NYAP2: variants seen among roughly 807,000 people sequenced by gnomAD.
NYAP2 encodes neuronal tyrosine-phosphorylated phosphoinositide-3-kinase adapter 2.
Under a neutral mutation model 50.4 loss-of-function variants are expected in NYAP2, and 23 were observed. The ratio of observed to expected loss-of-function variants is 0.46; its 90% CI spans 0.33 to 0.65. The LOEUF (loss-of-function observed/expected upper bound fraction) is 0.65. Ranked by LOEUF, NYAP2 falls within the 30% of genes least tolerant of loss-of-function variation. The pLI, the probability that NYAP2 is intolerant of heterozygous loss-of-function variation, is 0.02. For synonymous variants in NYAP2, 394 were observed against 365.2 expected (o/e 1.08, Z -0.90); for missense variants, 885 against 861.0 (o/e 1.03, Z -0.35).
At chr2:225,539,730 G>A (rs569231953) in intron 4 of NYAP2, among the ~76,000 whole-genome samples, 1 of 151,922 alleles carries the variant, frequency 6.6e-6, no homozygotes, top group South Asian at 2.1e-4. Flanking sequence ...GAAGTTCTTT[G>A]TAGATTCTGG....
intron 3 of NYAP2, among the ~76,000 whole-genome samples, chr2:225,459,573 A>G (rs1689791616): frequency 6.6e-6 from 1 of 152,180 alleles, no homozygotes; most frequent in Admixed American, 6.6e-5. Flanking sequence ...TTGAAAGTGA[A>G]CAACAGAAGC....
the NYAP2 span, among the ~76,000 whole-genome samples, chr2:225,697,261 T>C: frequency 2.6e-5 from 4 of 151,982 alleles, no homozygotes; most frequent in Non-Finnish European, 2.9e-5. Flanking sequence ...TATGTATCAA[T>C]ATATAGTCCA....
At chr2:225,550,100 A>T (rs991761254) in intron 4 of NYAP2, among the ~76,000 whole-genome samples, 4 of 152,214 alleles carry the variant, frequency 2.6e-5, no homozygotes, top group African/African-American at 9.6e-5. Flanking sequence ...AAGGAAATGG[A>T]GAAAAAGGTC....
chr2:225,504,515 C>A (rs957929130), intron 3 of NYAP2, among the ~76,000 whole-genome samples: 2 of 152,154 alleles, frequency 1.3e-5, no homozygotes, highest in African/African-American at 4.8e-5. Context: ...TGTCTTATTT[C>A]ATTTTACTTT....
intron 3 of NYAP2, among the ~76,000 whole-genome samples, chr2:225,415,262 A>G (rs762617928): frequency 1.3e-5 from 2 of 152,216 alleles, no homozygotes; most frequent in African/African-American, 4.8e-5. Flanking sequence ...TGAAAGATTC[A>G]GTATTTCTGT....
At chr2:225,651,753 C>A in exon 7 of NYAP2, 1 of 655,640 alleles carries the variant, frequency 1.5e-6, no homozygotes, top group Non-Finnish European at 2.5e-6. Context: ...GTGAAACTTT[C>A]TTTGCTGTTT....
chr2:225,413,208 T>C (rs1251710928), intron 3 of NYAP2, among the ~76,000 whole-genome samples: 1 of 152,162 alleles, frequency 6.6e-6, no homozygotes, highest in Non-Finnish European at 1.5e-5. Context: ...GTGTCTTTCT[T>C]TTCCAAAATC....
At chr2:225,425,415 A>C (rs1017072038) in intron 3 of NYAP2, among the ~76,000 whole-genome samples, 5 of 152,228 alleles carry the variant, frequency 3.3e-5, no homozygotes, top group African/African-American at 1.2e-4. Context: ...CTGGTTATTA[A>C]ATTGAGGTCT....
In NYAP2 at chr2:225,531,384, T is replaced by A. The variant is rs145794567; in HGVS notation, c.523+17712T>A. 1.1e-4 allele frequency among the ~76,000 whole-genome samples: 16 copies of A among 152,352 alleles called. No individual in the cohort carries two copies. The East Asian group carries it at 2.1e-3, about 20-fold the overall frequency. On this transcript the variant is annotated intron_variant, in intron 4 of 6. Transcript: ENST00000636099. The stretch of plus-strand genomic sequence containing the variant: ...ACTACCTTCTCTGTAATAACTTATG[T>A]AGGCATTTTTCTGTGATTGAACTAT...
intron 4 of NYAP2, among the ~76,000 whole-genome samples, chr2:225,577,209 C>A (rs2106225812): frequency 6.6e-6 from 1 of 152,220 alleles, no homozygotes; most frequent in Non-Finnish European, 1.5e-5. Context: ...TGTCATGATA[C>A]TATTTTAAGC....
the NYAP2 span, among the ~76,000 whole-genome samples, chr2:225,670,345 C>G: frequency 0.61 from 93,355 of 151,808 alleles, 29,997 homozygotes; most frequent in South Asian, 0.82. Context: ...AGAGGTCATG[C>G]AATCTTTCCT....
chr2:225,442,125 CAA>C (rs2106141461), intron 3 of NYAP2, among the ~76,000 whole-genome samples: 1 of 152,284 alleles, frequency 6.6e-6, no homozygotes, highest in Non-Finnish European at 1.5e-5. Context: ...CATGAAGAGT[CAA>C]ATAATCAGCA....
At chr2:225,530,015 T>C (rs1691226385) in intron 4 of NYAP2, among the ~76,000 whole-genome samples, 1 of 152,224 alleles carries the variant, frequency 6.6e-6, no homozygotes, top group Admixed American at 6.5e-5. Flanking sequence ...CCTCAGTCAG[T>C]ATTTTTTTAG....
chr2:225,484,345 C>T (rs1355143949), intron 3 of NYAP2, among the ~76,000 whole-genome samples: 1 of 152,236 alleles, frequency 6.6e-6, no homozygotes, highest in East Asian at 1.9e-4. Context: ...CAGCCCTTCA[C>T]TGGGGCTCGG....
intron 4 of NYAP2, among the ~76,000 whole-genome samples, chr2:225,548,040 TA>T (rs1233574597): frequency 1.6e-4 from 25 of 152,146 alleles, no homozygotes; most frequent in African/African-American, 6.0e-4. Context: ...TTAAGTCTAC[TA>T]ATTAGAGATA....
At chr2:225,574,333 C>T (rs1185687102) in intron 4 of NYAP2, among the ~76,000 whole-genome samples, 4 of 152,232 alleles carry the variant, frequency 2.6e-5, no homozygotes, top group South Asian at 2.1e-4. Flanking sequence ...GTCACTGGTT[C>T]GCAGCAATTC....
chr2:225,565,991 G>T (rs1211745866), intron 4 of NYAP2, among the ~76,000 whole-genome samples: 1 of 152,090 alleles, frequency 6.6e-6, no homozygotes, highest in African/African-American at 2.4e-5. Context: ...ATGGTGACTA[G>T]AGCCAGCTCA....
At chr2:225,514,698 C>A (rs1424506603) in intron 4 of NYAP2, among the ~76,000 whole-genome samples, 2 of 152,108 alleles carry the variant, frequency 1.3e-5, no homozygotes, top group African/African-American at 2.4e-5. Flanking sequence ...CAGCTCATTG[C>A]ACAGGCACAT....
intron 5 of NYAP2, among the ~76,000 whole-genome samples, chr2:225,620,421 GCACACGCACGCACACACGCAC>G (rs1559231993): frequency 1.7e-4 from 5 of 29,428 alleles, no homozygotes; most frequent in South Asian, 2.0e-3. Context: ...ACACATGCAC[GCACACGCACGCACACACGCAC>G]GCACACGCAC....
Sources: allele counts gnomAD v4.1 joint callset (sites outside exome capture counted in the v4.1 genomes callset), GRCh38; gene constraint gnomAD v4.1.1; transcripts MANE v1.5; gene names NCBI Gene and HGNC (gene_info 2026-07-23, HGNC 2026-07-21).